The following FAM171A1 variants were observed in gnomAD, a reference collection of about 807,000 sequenced individuals.
The protein encoded by FAM171A1 is family with sequence similarity 171 member A1.
FAM171A1 carries 23 observed loss-of-function variants against 74.9 expected under a neutral mutation model. That is an observed-to-expected ratio of 0.31 (90% confidence interval 0.22 to 0.44). FAM171A1 has a LOEUF of 0.44. FAM171A1 is among the 20% of genes least tolerant of loss of function. FAM171A1 has a pLI of 1.00. For missense variants in FAM171A1, 1,162 were observed against 1,159.2 expected (o/e 1.00, Z -0.03); for synonymous variants, 527 against 505.7 (o/e 1.04, Z -0.57).
At chr10:15,296,790 C>G (rs1054761896) in intron 1 of FAM171A1, among the ~76,000 whole-genome samples, 3 of 152,172 alleles carry the variant, frequency 2.0e-5, no homozygotes, top group Admixed American at 6.5e-5. Context: ...AGTTTACAGT[C>G]TCTAGACATC....
intron 1 of FAM171A1, among the ~76,000 whole-genome samples, chr10:15,340,430 C>T (rs559069936): frequency 2.6e-5 from 4 of 152,288 alleles, no homozygotes; most frequent in African/African-American, 9.6e-5. Context: ...AAATTTCTGC[C>T]TCAATAAACT....
In FAM171A1 at chr10:15,246,155, C is replaced by T. The variant is rs79869720; in HGVS notation, c.754+2484G>A. Among the ~76,000 whole-genome samples, 203 of 152,104 alleles carry T rather than the reference C, an allele frequency of 1.3e-3. 2 individuals carry two copies. The East Asian group carries it at 0.034, about 25-fold the overall frequency. On this transcript the variant is annotated intron_variant, in intron 5 of 7. Transcript: ENST00000378116. The stretch of plus-strand genomic sequence containing the variant: ...TCTCGCTTACTGCAGGATATGTGAA[C>T]AGATTATCAGGCTCTCAGAGAACAC...
intron 2 of FAM171A1, among the ~76,000 whole-genome samples, chr10:15,280,218 G>A (rs1222054442): frequency 2.0e-5 from 3 of 152,208 alleles, no homozygotes; most frequent in Non-Finnish European, 4.4e-5. Context: ...ATGGAAGGGA[G>A]AGGTGGCCAG....
chr10:15,217,927 G>A (rs1030239601), intron 6 of FAM171A1, among the ~76,000 whole-genome samples: 3 of 152,132 alleles, frequency 2.0e-5, no homozygotes, highest in Non-Finnish European at 4.4e-5. Context: ...CACCGCACCC[G>A]GCCCAGAGAA....
intron 3 of FAM171A1, among the ~76,000 whole-genome samples, chr10:15,265,277 TTG>T (rs1049792325): frequency 6.6e-6 from 1 of 151,444 alleles, no homozygotes; most frequent in Non-Finnish European, 1.5e-5. Context: ...GCGTGTGTGT[TTG>T]TGTGTGTACT....
chr10:15,260,434 T>C (rs980789115), intron 3 of FAM171A1, among the ~76,000 whole-genome samples: 14 of 152,212 alleles, frequency 9.2e-5, no homozygotes, highest in African/African-American at 2.7e-4. Context: ...CTTCAGGTTA[T>C]CTTTAAAATG....
chr10:15,287,054 A>G (rs1835043784), intron 1 of FAM171A1, among the ~76,000 whole-genome samples: 1 of 151,758 alleles, frequency 6.6e-6, no homozygotes, highest in African/African-American at 2.4e-5. Context: ...CAATCCAATC[A>G]GGATGTGCAC....
At chr10:15,254,329 C>T (rs1457572176) in intron 4 of FAM171A1, among the ~76,000 whole-genome samples, 1 of 152,124 alleles carries the variant, frequency 6.6e-6, no homozygotes, top group East Asian at 1.9e-4. Flanking sequence ...CCACAGGCTA[C>T]CCTCTCAAAT....
intron 5 of FAM171A1, among the ~76,000 whole-genome samples, chr10:15,246,319 A>C (rs1834434580): frequency 6.6e-6 from 1 of 152,204 alleles, no homozygotes; most frequent in Non-Finnish European, 1.5e-5. Flanking sequence ...GTCTCTATTA[A>C]TTATTTGGAA....
chr10:15,310,662 G>A (rs536391382), intron 1 of FAM171A1, among the ~76,000 whole-genome samples: 1 of 152,200 alleles, frequency 6.6e-6, no homozygotes, highest in East Asian at 1.9e-4. Flanking sequence ...TGGAGTTCGA[G>A]ACCAGCCTGG....
intron 1 of FAM171A1, among the ~76,000 whole-genome samples, chr10:15,288,722 A>C (rs1376828914): frequency 6.6e-6 from 1 of 151,452 alleles, no homozygotes; most frequent in African/African-American, 2.4e-5. Flanking sequence ...AGGATAGTTT[A>C]AGTTCTACAA....
At chr10:15,269,245 C>G (rs995644250) in intron 3 of FAM171A1, among the ~76,000 whole-genome samples, 1 of 152,028 alleles carries the variant, frequency 6.6e-6, no homozygotes, top group African/African-American at 2.4e-5. Flanking sequence ...TCCTGAGTAG[C>G]TGGGACTACA....
chr10:15,308,242 T>C (rs1339579424), intron 1 of FAM171A1, among the ~76,000 whole-genome samples: 1 of 152,216 alleles, frequency 6.6e-6, no homozygotes, highest in Non-Finnish European at 1.5e-5. Flanking sequence ...CTTGCAAGTA[T>C]ACAATCAGAG....
intron 3 of FAM171A1, among the ~76,000 whole-genome samples, chr10:15,266,527 C>G (rs571540735): frequency 6.6e-6 from 1 of 152,030 alleles, no homozygotes; most frequent in African/African-American, 2.4e-5. Context: ...AGGTGGAAAA[C>G]AGAAACTGAG....
At chr10:15,293,547 TA>T (rs201297214) in intron 1 of FAM171A1, among the ~76,000 whole-genome samples, 1,150 of 47,434 alleles carry the variant, frequency 0.024, 8 homozygotes, top group African/African-American at 0.072. Flanking sequence ...TAGGAACCTG[TA>T]AAAAAAAAAT....
chr10:15,352,666 G>T (rs867541532), intron 1 of FAM171A1, among the ~76,000 whole-genome samples: 3 of 152,190 alleles, frequency 2.0e-5, no homozygotes, highest in Non-Finnish European at 4.4e-5. Flanking sequence ...AAGTTGTGGG[G>T]AAAGTACACA....
Position 15,288,830 on chromosome 10 carries a change from T to TTTTTC in FAM171A1, c.98-4726_98-4725insGAAAA, listed in dbSNP as rs1554836631. On this transcript the variant is annotated intron_variant, in intron 1 of 7. Transcript: ENST00000378116. The stretch of plus-strand genomic sequence containing the variant: ...CGGTAATTCTTTTTTTTTTTTTTTT[T>TTTTTC]TTTTTTTTTGAGACAGAGTCTCATT... 1.9e-4 allele frequency among the ~76,000 whole-genome samples: 25 copies of TTTTTC among 132,442 alleles called. 2 individuals carry two copies. Among genetic ancestry groups the TTTTTC allele is most frequent in the South Asian group, 5.0e-4 (2 of 4,020 alleles). 86.9% of individuals were successfully genotyped at this position (132,442 alleles called of 152,430 possible). A position where few individuals can be genotyped will look rare whatever the true frequency, so the allele number is the denominator to read the frequency against.
Position 15,284,101 on chromosome 10 carries a change from C to T in FAM171A1, c.102G>A (p.Val34=). ...CGTCGCTGATGTGCACCTTTAACGT[C>T]ACCTCTGGAGGTAGAGAAAGCACAA... is the stretch of plus-strand genomic sequence containing the variant. The part of the protein sequence containing the change: ...LREPGAGAQE[V]TLKVHISDAS... The change falls in exon 2 of 8, where the codon GTG becomes GTA. Residue 34 remains valine, a synonymous_variant. Coordinates refer to ENST00000378116, the MANE Select transcript of FAM171A1 (RefSeq NM_001010924.2). The T allele has an allele frequency of 1.2e-6, 2 of 1,613,160 alleles. No individual in the cohort carries two copies. Among genetic ancestry groups the T allele is most frequent in the South Asian group, 2.2e-5 (2 of 91,052 alleles).
At chr10:15,282,759 T>C (rs1834986215) in intron 2 of FAM171A1, among the ~76,000 whole-genome samples, 1 of 152,190 alleles carries the variant, frequency 6.6e-6, no homozygotes, top group African/African-American at 2.4e-5. Context: ...TCACCCAGGC[T>C]GGAGTGCAGT....
Sources: allele counts gnomAD v4.1 joint callset (sites outside exome capture counted in the v4.1 genomes callset), GRCh38; gene constraint gnomAD v4.1.1; transcripts MANE v1.5; gene names NCBI Gene and HGNC (gene_info 2026-07-23, HGNC 2026-07-21).